The following MYRF variants were observed in gnomAD, a reference collection of about 807,000 sequenced individuals.
MYRF encodes myelin regulatory factor.
MYRF carries 16 observed loss-of-function variants against 126.3 expected under a neutral mutation model. The ratio of observed to expected loss-of-function variants is 0.13; its 90% CI spans 0.09 to 0.19. MYRF has a LOEUF of 0.19. Ranked by LOEUF, MYRF falls within the 10% of genes least tolerant of loss-of-function variation. The probability of loss-of-function intolerance (pLI) is 1.00; values close to 1 mark genes in which losing one functional copy is unlikely to be tolerated. For synonymous variants in MYRF, 608 were observed against 635.3 expected, an observed-to-expected ratio of 0.96 and a Z score of 0.65; for missense variants, 1,104 against 1,547.0, an observed-to-expected ratio of 0.71 and a Z score of 4.80.
At chr11:61,765,518 A>G (rs1398686141) in intron 1 of MYRF, 107 bp from the exon 2 acceptor site, 5 of 814,732 alleles carry the variant, frequency 6.1e-6, no homozygotes, top group Non-Finnish European at 9.7e-6. Context: ...GAGCAGGGGC[A>G]TCTGTTTTGG....
At chr11:61,780,362 C>A in intron 18 of MYRF, 72 bp downstream of exon 18, 1 of 1,317,974 alleles carries the variant, frequency 7.6e-7, no homozygotes, top group Non-Finnish European at 1.1e-6. Context: ...GGTCAGAGAG[C>A]CATGAGACTG....
intron 8 of MYRF, among the ~76,000 whole-genome samples, chr11:61,774,552 C>G (rs2066321703): frequency 6.7e-6 from 1 of 150,288 alleles, no homozygotes; most frequent in Admixed American, 6.7e-5. Context: ...AAAAAGCAAG[C>G]ATCTGTGTGC....
intron 5 of MYRF, 131 bp from the exon 6 acceptor site, chr11:61,771,369 T>A (rs1469404518): frequency 7.9e-7 from 1 of 1,271,628 alleles, no homozygotes; most frequent in Non-Finnish European, 1.1e-6. Flanking sequence ...GAGGGCTTCC[T>A]GAAGGAGGTG....
chr11:61,774,075 C>A lies in MYRF; in HGVS notation c.1224C>A (p.Ile408=). Residue 408 remains isoleucine, a synonymous_variant, in exon 8 of 27, where the codon ATC becomes ATA. Coordinates refer to ENST00000278836, the MANE Select transcript of MYRF (RefSeq NM_001127392.3). ...KKNHFQVTVY[I]GMLGEPKYVK... ...ACCACTTCCAGGTGACAGTGTACAT[C>A]GGCATGCTGGGCGAGCCCAAGTACG... 3 of 1,613,890 alleles carry A rather than the reference C, an allele frequency of 1.9e-6. No individual in the cohort carries two copies. The African/African-American group carries it at 4.0e-5, about 22-fold the overall frequency.
In MYRF at chr11:61,774,145, A is replaced by G. The variant is rs1591111640; in HGVS notation, c.1294A>G (p.Lys432Glu). 3 of 1,608,922 alleles carry G rather than the reference A, an allele frequency of 1.9e-6. No individual in the cohort carries two copies. In the South Asian group the frequency reaches 3.3e-5, roughly 18 times the overall value. The change falls in exon 8 of 27, where the codon AAG becomes GAG. Residue 432 changes from lysine to glutamate, a missense_variant. Lys to Glu is a moderately conservative substitution (Grantham distance 56). This residue lies in a region of MYRF where 36 missense variants were observed against 47.5 expected (regional missense o/e 0.76). Coordinates refer to ENST00000278836, the MANE Select transcript of MYRF (RefSeq NM_001127392.3). Reference sequence around the variant, plus strand: ...CAAGCCCCTCGACTGCTTCTATCTGAAGCTGCACGGAGTGAAGGCAAGTTT... The same window carrying G: ...CAAGCCCCTCGACTGCTTCTATCTGGAGCTGCACGGAGTGAAGGCAAGTTT... The part of the protein sequence containing the change: ...GLKPLDCFYL[K>E]LHGVKLEALN...
At position 61,757,474 on chromosome 11, in the gene MYRF, T is replaced by C. The variant is rs1190369689; in HGVS notation, c.46+4684T>C. On this transcript the variant is annotated intron_variant, in intron 1 of 26. Coordinates refer to ENST00000278836, the MANE Select transcript of MYRF (RefSeq NM_001127392.3). This position sits in a 1 kb window ranked among gnomAD's most constrained non-coding sequence, Gnocchi z 4.7. Reference sequence around the variant, plus strand: ...GAACACTCCATTGGTCCATGGCAGGTGTTCTGCGCCCTACCTTGAAGATTA... The same window carrying C: ...GAACACTCCATTGGTCCATGGCAGGCGTTCTGCGCCCTACCTTGAAGATTA... The C allele has an allele frequency of 4.4e-6, 2 of 456,014 alleles. No homozygotes were observed. Among genetic ancestry groups the C allele is most frequent in the Non-Finnish European group, 8.8e-6 (2 of 226,732 alleles). The allele number at this position is 456,014 out of a possible 1,614,324, so 28.2% of individuals were successfully genotyped here. A position where few individuals can be genotyped will look rare whatever the true frequency, so the allele number is the denominator to read the frequency against.
Position 61,779,553 on chromosome 11 carries a change from C to T in MYRF, c.2230C>T (p.Pro744Ser). 3 of 1,504,342 alleles carry T rather than the reference C, an allele frequency of 2.0e-6. No individual in the cohort carries two copies. Among genetic ancestry groups the T allele is most frequent in the Non-Finnish European group, 2.7e-6 (3 of 1,127,006 alleles). The allele number at this position is 1,504,342 out of a possible 1,614,324, so 93.2% of individuals were successfully genotyped here. A position where few individuals can be genotyped will look rare whatever the true frequency, so the allele number is the denominator to read the frequency against. ...CAGCGTCCCCCACAAGAAGAGGCCCCCCAAGGTGGCCAGCAAGGTAGGGGT... is the reference window on the plus strand; with the variant it reads ...CAGCGTCCCCCACAAGAAGAGGCCCTCCAAGGTGGCCAGCAAGGTAGGGGT... ...AGSVPHKKRPPKVASKSSSVV... is the reference protein window; with the variant it reads ...AGSVPHKKRPSKVASKSSSVV... Residue 744 changes from proline to serine, a missense_variant, in exon 16 of 27, where the codon CCC becomes TCC. By Grantham distance (74) the Pro-to-Ser change is moderately conservative. Coordinates refer to ENST00000278836, the MANE Select transcript of MYRF (RefSeq NM_001127392.3).
At chr11:61,779,050 A>T in intron 14 of MYRF, 2 of 650,104 alleles carry the variant, frequency 3.1e-6, no homozygotes, top group Non-Finnish European at 5.6e-6. Flanking sequence ...GAAGGTGCAG[A>T]GGTGGAGGTG....
intron 1 of MYRF, among the ~76,000 whole-genome samples, chr11:61,763,198 C>T (rs2065950132): frequency 6.6e-6 from 1 of 152,212 alleles, no homozygotes; most frequent in South Asian, 2.1e-4. Context: ...GTCACACTCT[C>T]CCTCGTGGAG....
intron 25 of MYRF, chr11:61,785,468 A>G (rs2066670267): frequency 3.5e-6 from 1 of 286,904 alleles, no homozygotes; most frequent in Admixed American, 4.7e-5. Context: ...GCACTGTGTC[A>G]CTGGATTGTA....
Position 61,779,881 on chromosome 11 carries a change from C to A in MYRF, c.2287C>A (p.Arg763Ser). Residue 763 changes from arginine (R) to serine (S), a missense_variant, in exon 17 of 27, where the codon CGC becomes AGC. Arg to Ser is a moderately radical substitution (Grantham distance 110, BLOSUM62 -1). Coordinates refer to ENST00000278836, the MANE Select transcript of MYRF (RefSeq NM_001127392.3). ...TCCGGACCAGGCCTGCATCAGCCAG[C>A]GCTTCCTGCAGGGAACCATCATTGC... is the stretch of plus-strand genomic sequence containing the variant. Reference protein sequence around the residue: ...VVPDQACISQRFLQGTIIALV... With the variant: ...VVPDQACISQSFLQGTIIALV... 6.2e-7 allele frequency: 1 copy of A among 1,614,174 alleles called. No homozygotes were observed. Among genetic ancestry groups the A allele is most frequent in the Non-Finnish European group, 8.5e-7 (1 of 1,180,006 alleles).
Position 61,769,275 on chromosome 11 carries a change from T to C in MYRF, c.414T>C (p.Ser138=), listed in dbSNP as rs1298210036. 1 of 1,606,630 alleles carries C rather than the reference T, an allele frequency of 6.2e-7. No homozygotes were observed. The highest frequency in any genetic ancestry group is 2.2e-5 in the East Asian group (1 of 44,586). ...GCTCTCGCAGCACACTGCCGGACTC[T>C]CCCCCAGACTCGGGCTCCGAGGCCT... ...APYAPGTLPD[S]PPDSGSEAYS... is the part of the protein sequence containing the mutation. Residue 138 remains serine (S), a synonymous_variant, in exon 4 of 27, where the codon TCT becomes TCC. Transcript: ENST00000278836.
intron 8 of MYRF, 37 bp downstream of exon 8, chr11:61,774,199 G>A: frequency 6.5e-7 from 1 of 1,545,346 alleles, no homozygotes; most frequent in South Asian, 1.2e-5. Context: ...GAGGGCAGGA[G>A]GGCCCTTTGG....
chr11:61,763,762 G>A (rs1235541559), intron 1 of MYRF, among the ~76,000 whole-genome samples: 3 of 152,296 alleles, frequency 2.0e-5, no homozygotes, highest in African/African-American at 7.2e-5. Flanking sequence ...CTACTCGGGA[G>A]GCTGAGGTGG....
At chr11:61,767,029 C>T (rs544710275) in intron 3 of MYRF, 1 of 456,646 alleles carries the variant, frequency 2.2e-6, no homozygotes, top group African/African-American at 2.0e-5. Flanking sequence ...GTGAAGTGAG[C>T]CCTCAAATGC....
At chr11:61,767,972 G>A (rs2066111203) in intron 3 of MYRF, among the ~76,000 whole-genome samples, 1 of 152,040 alleles carries the variant, frequency 6.6e-6, no homozygotes, top group South Asian at 2.1e-4. Flanking sequence ...ACAAAAATTA[G>A]TTGGGTGTGG....
At chr11:61,760,623 C>T (rs1374545391) in intron 1 of MYRF, among the ~76,000 whole-genome samples, 2 of 152,048 alleles carry the variant, frequency 1.3e-5, no homozygotes, top group Non-Finnish European at 2.9e-5. Flanking sequence ...ACAGCCTGGG[C>T]GGAGGTGTGC....
At chr11:61,769,163 TG>T in intron 3 of MYRF, 96 bp from the exon 4 acceptor site, 2 of 695,542 alleles carry the variant, frequency 2.9e-6, no homozygotes, top group Non-Finnish European at 5.1e-6. Context: ...CGCCAGCTTC[TG>T]GGGGGCTGTG....
chr11:61,770,223 C>A (rs751200099), intron 4 of MYRF, 23 bp from the exon 5 acceptor site: 1 of 1,569,108 alleles, frequency 6.4e-7, no homozygotes, highest in Middle Eastern at 2.3e-4. Context: ...TCTCAGATGC[C>A]CGCTCCCCCA....
Sources: allele counts gnomAD v4.1 joint callset (sites outside exome capture counted in the v4.1 genomes callset), GRCh38; gene constraint gnomAD v4.1.1; regional missense constraint gnomAD v4.1.1; non-coding constraint Gnocchi (gnomAD v3.1); transcripts MANE v1.5; gene names NCBI Gene and HGNC (gene_info 2026-07-23, HGNC 2026-07-21).